The following POLR3D variants were observed in gnomAD, a reference collection of about 807,000 sequenced individuals.
POLR3D encodes RNA polymerase III subunit D, also known as DNA-directed RNA polymerase III subunit RPC4.
In POLR3D, 42 loss-of-function variants were observed where a neutral mutation model predicts 44.5. The ratio of observed to expected loss-of-function variants is 0.94; its 90% CI spans 0.74 to 1.22. POLR3D has a LOEUF of 1.22. Among genes scored for constraint, POLR3D ranks in the 50% most tolerant of loss-of-function variants. The probability of loss-of-function intolerance (pLI) is 0.00; values close to 1 mark genes in which losing one functional copy is unlikely to be tolerated. For missense variants in POLR3D, 507 were observed against 505.2 expected, an observed-to-expected ratio of 1.00 and a Z score of -0.03; for synonymous variants, 217 against 198.1, an observed-to-expected ratio of 1.10 and a Z score of -0.80.
chr8:22,248,377 G>A (rs1830064850), intron 5 of POLR3D, 99 bp downstream of exon 5: 1 of 1,572,158 alleles, frequency 6.4e-7, no homozygotes, highest in South Asian at 1.2e-5. Flanking sequence ...TGATGTCCTG[G>A]AATCCTGGGG....
chr8:22,248,828 G>A (rs1830069944), intron 6 of POLR3D, among the ~76,000 whole-genome samples, 179 bp downstream of exon 6: 2 of 152,190 alleles, frequency 1.3e-5, no homozygotes, highest in East Asian at 1.9e-4. Context: ...GGGTTCCTGT[G>A]TTGACAGGGA....
rs1215740507 is a variant in POLR3D at position 22,250,745 on chromosome 8, G to A, written c.*227G>A. The A allele has an allele frequency of 2.3e-5, 13 of 571,344 alleles. No individual in the cohort carries two copies. In the East Asian group the frequency reaches 3.9e-4, roughly 17 times the overall value. 35.4% of individuals were successfully genotyped at this position (571,344 alleles called of 1,614,324 possible). On this transcript the variant is annotated 3_prime_UTR_variant, in exon 9 of 9. Transcript: ENST00000306433. The stretch of plus-strand genomic sequence containing the variant: ...GCACATCCTTGCTGCTGGGGACTTG[G>A]CCCTGCTATTTATTTTTGTATTTAT...
chr8:22,253,116 AG>A lies in POLR3D; in HGVS notation c.*2599del, dbSNP rs762951321. On this transcript the variant is annotated 3_prime_UTR_variant, in exon 9 of 9. Transcript: ENST00000306433. The stretch of plus-strand genomic sequence containing the variant: ...GGAATGTTTATCTCACATAGCAAAA[AG>A]TCTGTAAATAGATGGTTCTAGAGTT... 22 of 152,352 alleles carry A rather than the reference AG, an allele frequency of 1.4e-4. No individual in the cohort carries two copies. Among genetic ancestry groups the A allele is most frequent in the South Asian group, 8.3e-4 (4 of 4,828 alleles). The allele number at this position is 152,352 out of a possible 1,614,324, so 9.4% of individuals were successfully genotyped here. A position where few individuals can be genotyped will look rare whatever the true frequency, so the allele number is the denominator to read the frequency against.
chr8:22,250,177 G>A lies in POLR3D; in HGVS notation c.1024G>A (p.Gly342Ser). Residue 342 changes from glycine to serine, a missense_variant, in exon 8 of 9, where the codon GGC becomes AGC. Gly to Ser is a moderately conservative substitution (Grantham distance 56). Coordinates refer to ENST00000306433, the MANE Select transcript of POLR3D (RefSeq NM_001722.3). ...RKSGRVQLLLGKVTLDVTMGT... is the reference protein window; with the variant it reads ...RKSGRVQLLLSKVTLDVTMGT... The stretch of plus-strand genomic sequence containing the variant: ...GTCTGGAAGGGTGCAACTCCTCTTG[G>A]GCAAGGTGACTCTGGACGTGACCAT... 2 of 1,614,116 alleles carry A rather than the reference G, an allele frequency of 1.2e-6. No individual in the cohort carries two copies. The highest frequency in any genetic ancestry group is 1.7e-6 in the Non-Finnish European group (2 of 1,180,018).
chr8:22,247,852 T>A lies in POLR3D; in HGVS notation c.210-5T>A, dbSNP rs753325182. On this transcript the variant is annotated splice_polypyrimidine_tract_variant and splice_region_variant and intron_variant, in intron 3 of 8. Coordinates refer to ENST00000306433, the MANE Select transcript of POLR3D (RefSeq NM_001722.3). ...TGGTTTCCCTTAATCCATTCTTTTTTCCAGGCCCAAGGAAGAAGTAACTGT... is the reference window on the plus strand; with the variant it reads ...TGGTTTCCCTTAATCCATTCTTTTTACCAGGCCCAAGGAAGAAGTAACTGT... 8.1e-6 allele frequency: 13 copies of A among 1,612,358 alleles called. No homozygotes were observed. The highest frequency in any genetic ancestry group is 1.1e-5 in the Non-Finnish European group (13 of 1,179,352).
At chr8:22,249,787 A>G (rs1421049274) in intron 7 of POLR3D, among the ~76,000 whole-genome samples, 7 of 152,058 alleles carry the variant, frequency 4.6e-5, no homozygotes, top group African/African-American at 1.7e-4. Context: ...ATGCCACTAT[A>G]CCCCAACCTT....
At chr8:22,246,231 G>T (rs757175145) in intron 2 of POLR3D, among the ~76,000 whole-genome samples, 1 of 151,976 alleles carries the variant, frequency 6.6e-6, no homozygotes, top group Non-Finnish European at 1.5e-5. Flanking sequence ...AGGTTTGAGC[G>T]ATTCTCCTGC....
rs1005405033 is a variant in POLR3D at position 22,254,194 on chromosome 8, A to G, written c.*3676A>G. ...TATAAGTGAGAACATGTGCTATTTG[A>G]TTTTCTGTTTCCGAGGTTAGGATAA... On this transcript the variant is annotated 3_prime_UTR_variant, in exon 9 of 9. Transcript: ENST00000306433. 6.6e-6 allele frequency: 1 copy of G among 151,752 alleles called. No homozygotes were observed. The highest frequency in any genetic ancestry group is 1.5e-5 in the Non-Finnish European group (1 of 67,972). 9.4% of individuals were successfully genotyped at this position (151,752 alleles called of 1,614,324 possible).
chr8:22,253,797 C>G lies in POLR3D; in HGVS notation c.*3279C>G, dbSNP rs939385241. 1 of 152,082 alleles carries G rather than the reference C, an allele frequency of 6.6e-6. No homozygotes were observed. Among genetic ancestry groups the G allele is most frequent in the Non-Finnish European group, 1.5e-5 (1 of 68,036 alleles). The allele number at this position is 152,082 out of a possible 1,614,324, so 9.4% of individuals were successfully genotyped here. ...TTCAAGTGATCCTCCCGCCTCAGCC[C>G]CCCAGATAGCTGGGATTACAGGCAC... On this transcript the variant is annotated 3_prime_UTR_variant, in exon 9 of 9. Coordinates refer to ENST00000306433, the MANE Select transcript of POLR3D (RefSeq NM_001722.3).
Position 22,250,199 on chromosome 8 carries a change from C to T in POLR3D, c.1046C>T (p.Thr349Ile), listed in dbSNP as rs766858208. ...TTGGGCAAGGTGACTCTGGACGTGA[C>T]CATGGGAACTGCCTGCTCCTTCCTG... ...LLLGKVTLDVTMGTACSFLQE... is the reference protein window; with the variant it reads ...LLLGKVTLDVIMGTACSFLQE... Residue 349 changes from threonine (T) to isoleucine (I), a missense_variant, in exon 8 of 9, where the codon ACC (threonine) becomes ATC (isoleucine). Thr to Ile is a moderately conservative substitution (Grantham distance 89). Transcript: ENST00000306433. 5 of 1,614,174 alleles carry T rather than the reference C, an allele frequency of 3.1e-6. No individual in the cohort carries two copies. The highest frequency in any genetic ancestry group is 2.2e-5 in the South Asian group (2 of 91,084).
rs1258105032 is a variant in POLR3D at position 22,253,826 on chromosome 8, C to A, written c.*3308C>A. The A allele has an allele frequency of 6.6e-6, 1 of 152,198 alleles. No individual in the cohort carries two copies. The highest frequency in any genetic ancestry group is 6.5e-5 in the Admixed American group (1 of 15,270). The allele number at this position is 152,198 out of a possible 1,614,324, so 9.4% of individuals were successfully genotyped here. A position where few individuals can be genotyped will look rare whatever the true frequency, so the allele number is the denominator to read the frequency against. On this transcript the variant is annotated 3_prime_UTR_variant, in exon 9 of 9. Coordinates refer to ENST00000306433, the MANE Select transcript of POLR3D (RefSeq NM_001722.3). ...AGATAGCTGGGATTACAGGCACATGCCACCACACCTGGCTAATTTTTGTAT... is the reference window on the plus strand; with the variant it reads ...AGATAGCTGGGATTACAGGCACATGACACCACACCTGGCTAATTTTTGTAT...
In POLR3D at chr8:22,251,253, TC is replaced by T. The variant is rs1830103202; in HGVS notation, c.*737del. On this transcript the variant is annotated 3_prime_UTR_variant, in exon 9 of 9. Transcript: ENST00000306433. ...TGCTCCCGTCCCCACTCTTGCCCCTTCCTGCTTTATATCCCGTCCTCACCCT... is the reference window on the plus strand; with the variant it reads ...TGCTCCCGTCCCCACTCTTGCCCCTTCTGCTTTATATCCCGTCCTCACCCT... 6.5e-6 allele frequency: 1 copy of T among 153,560 alleles called. No homozygotes were observed. The highest frequency in any genetic ancestry group is 1.5e-5 in the Non-Finnish European group (1 of 68,080). 9.5% of individuals were successfully genotyped at this position (153,560 alleles called of 1,614,324 possible). A position where few individuals can be genotyped will look rare whatever the true frequency, so the allele number is the denominator to read the frequency against.
intron 7 of POLR3D, 38 bp from the exon 8 acceptor site, chr8:22,250,037 C>T (rs1182789610): frequency 1.9e-6 from 3 of 1,610,254 alleles, no homozygotes; most frequent in African/African-American, 2.7e-5. Flanking sequence ...GAGGAAAGAG[C>T]TCCTAGCCCA....
Position 22,245,428 on chromosome 8 carries a change from C to G in POLR3D, c.-5-17C>G, listed in dbSNP as rs762429379. 6.9e-6 allele frequency: 9 copies of G among 1,308,580 alleles called. No individual in the cohort carries two copies. The Admixed American group carries it at 1.2e-4, about 18-fold the overall frequency. 81.1% of individuals were successfully genotyped at this position (1,308,580 alleles called of 1,614,324 possible). A position where few individuals can be genotyped will look rare whatever the true frequency, so the allele number is the denominator to read the frequency against. On this transcript the variant is annotated splice_polypyrimidine_tract_variant and intron_variant, in intron 1 of 8. Transcript: ENST00000306433. ...TGTCAGTCCCCTCTGGTGATCTCGT[C>G]GCCCCTTCTCTCCCAGGCAACATGT...
In POLR3D at chr8:22,254,084, C is replaced by G. The variant is rs921111144; in HGVS notation, c.*3566C>G. ...CAGGTAGCATTTCAACCCTTGCCCC[C>G]CCTCCCACTCACCCCCTTTTGGAGT... On this transcript the variant is annotated 3_prime_UTR_variant, in exon 9 of 9. Transcript: ENST00000306433. 6 of 152,144 alleles carry G rather than the reference C, an allele frequency of 3.9e-5. No homozygotes were observed. The highest frequency in any genetic ancestry group is 1.4e-4 in the African/African-American group (6 of 41,420). The allele number at this position is 152,144 out of a possible 1,614,324, so 9.4% of individuals were successfully genotyped here. A position where few individuals can be genotyped will look rare whatever the true frequency, so the allele number is the denominator to read the frequency against.
chr8:22,246,422 T>C (rs1830043788), intron 2 of POLR3D, among the ~76,000 whole-genome samples: 1 of 149,678 alleles, frequency 6.7e-6, no homozygotes, highest in Non-Finnish European at 1.5e-5. Context: ...GAGCCACCGC[T>C]CCTGGCCGAA....
chr8:22,248,406 T>G, intron 5 of POLR3D, 75 bp from the exon 6 acceptor site: 10 of 1,579,280 alleles, frequency 6.3e-6, no homozygotes, highest in Non-Finnish European at 8.6e-6. Context: ...AATCTTTGGT[T>G]AGAAAGGGAC....
chr8:22,249,062 A>T lies in POLR3D; in HGVS notation c.674A>T (p.Asp225Val). Residue 225 changes from aspartate to valine, a missense_variant, in exon 7 of 9, where the codon GAT becomes GTT. Asp to Val is a radical substitution (Grantham distance 152). Coordinates refer to ENST00000306433, the MANE Select transcript of POLR3D (RefSeq NM_001722.3). Reference sequence around the variant, plus strand: ...CGGGCAGTGAAAGAGGAGCCACGAGATGAGGAGGAAGAGGCCAAGATGAAG... The same window carrying T: ...CGGGCAGTGAAAGAGGAGCCACGAGTTGAGGAGGAAGAGGCCAAGATGAAG... Reference protein sequence around the residue: ...PAVKVKEEPRDEEEEAKMKAP... With the variant: ...PAVKVKEEPRVEEEEAKMKAP... 1 of 1,613,820 alleles carries T rather than the reference A, an allele frequency of 6.2e-7. No homozygotes were observed. The highest frequency in any genetic ancestry group is 1.7e-5 in the Admixed American group (1 of 59,960).
rs78820134 is a variant in POLR3D, at chr8:22,245,782, C to G, written c.165+168C>G. Among the ~76,000 whole-genome samples, 655 of 152,302 alleles carry G rather than the reference C, an allele frequency of 4.3e-3. 4 individuals carry two copies. The highest frequency in any genetic ancestry group is 0.014 in the African/African-American group (596 of 41,556). On this transcript the variant is annotated intron_variant, in intron 2 of 8. Transcript: ENST00000306433. ...TCTGTCCTACCTTCAAATCTAGGTACTGAGTACAAGATGTTGAAATGACTC... is the reference window on the plus strand; with the variant it reads ...TCTGTCCTACCTTCAAATCTAGGTAGTGAGTACAAGATGTTGAAATGACTC...
Sources: gnomAD v4.1 joint callset for allele counts (sites outside exome capture counted in the v4.1 genomes callset) on GRCh38, gnomAD v4.1.1 for gene constraint, MANE v1.5 for transcripts, NCBI Gene and HGNC (gene_info 2026-07-23, HGNC 2026-07-21) for gene names.